Variants in RUNX1T1 observed in about 807,000 individuals in gnomAD.
RUNX1T1 encodes RUNX1 partner transcriptional co-repressor 1.
In RUNX1T1, 4 loss-of-function variants were observed where a neutral mutation model predicts 62.8. The ratio of observed to expected loss-of-function variants is 0.06; its 90% CI spans 0.03 to 0.15. The LOEUF (loss-of-function observed/expected upper bound fraction) is 0.15, where lower values mean the gene tolerates loss of function less well. RUNX1T1 is among the 10% of genes least tolerant of loss of function. The pLI is 1.00. For synonymous variants in RUNX1T1, 291 were observed against 286.0 expected (o/e 1.02, Z -0.18); for missense variants, 508 against 754.3 (o/e 0.67, Z 3.82).
chr8:91,986,155 C>G, exon 8 of RUNX1T1: 1 of 1,614,164 alleles, frequency 6.2e-7, no homozygotes, highest in Admixed American at 1.7e-5. Flanking sequence ...TGACGGGACT[C>G]TGCTGCCTAG....
At chr8:92,050,506 CAAT>C (rs769042793) in intron 1 of RUNX1T1, among the ~76,000 whole-genome samples, 1 of 152,140 alleles carries the variant, frequency 6.6e-6, no homozygotes, top group African/African-American at 2.4e-5. Context: ...TTAATTTTCA[CAAT>C]AATGCCATGG....
At chr8:91,960,840 T>C (rs2130427100) in intron 10 of RUNX1T1, among the ~76,000 whole-genome samples, 1 of 152,334 alleles carries the variant, frequency 6.6e-6, no homozygotes, top group South Asian at 2.1e-4. Flanking sequence ...TCATACTGAC[T>C]AGCAATTACT....
chr8:92,013,469 T>G (rs974495320), intron 3 of RUNX1T1, among the ~76,000 whole-genome samples: 1 of 152,198 alleles, frequency 6.6e-6, no homozygotes, highest in Non-Finnish European at 1.5e-5. Context: ...CTGAAACTTC[T>G]TTTGCAAAAC....
rs551919924 is a variant in RUNX1T1 at position 92,025,570 on chromosome 8, C to T, written c.8-8207G>A. Among the ~76,000 whole-genome samples, 3 of 152,342 alleles carry T rather than the reference C, an allele frequency of 2.0e-5. No individual in the cohort carries two copies. The East Asian group carries it at 5.8e-4, about 29-fold the overall frequency. The stretch of plus-strand genomic sequence containing the variant: ...TCAGCCAGAAACCTTTTGCTGACAA[C>T]CTTTCTATCCCCAGCTGGCCGGGTT... On this transcript the variant is annotated intron_variant, in intron 1 of 10. Transcript: ENST00000396218.
chr8:92,004,436 G>A (rs1274214119), intron 5 of RUNX1T1: 1 of 152,140 alleles, frequency 6.6e-6, no homozygotes, highest in African/African-American at 2.4e-5. Flanking sequence ...AATTTCATGT[G>A]TATGCTTTAT....
intron 1 of RUNX1T1, among the ~76,000 whole-genome samples, chr8:92,098,321 CT>C (rs1265979469): frequency 2.0e-5 from 3 of 152,144 alleles, no homozygotes; most frequent in Non-Finnish European, 4.4e-5. Context: ...ACTCATTTTG[CT>C]TTAATTTCTC....
chr8:92,057,216 A>G (rs140868645), intron 1 of RUNX1T1, among the ~76,000 whole-genome samples: 3 of 152,310 alleles, frequency 2.0e-5, no homozygotes, highest in Non-Finnish European at 4.4e-5. Flanking sequence ...CTATGCTACT[A>G]TAATTCAGAT....
intron 1 of RUNX1T1, among the ~76,000 whole-genome samples, chr8:92,026,008 A>T (rs998440717): frequency 1.3e-5 from 2 of 152,346 alleles, no homozygotes; most frequent in Non-Finnish European, 2.9e-5. Flanking sequence ...TTACAATAGT[A>T]GTGTCAGTGT....
At chr8:91,972,165 C>G (rs1812978245) in intron 9 of RUNX1T1, among the ~76,000 whole-genome samples, 1 of 152,022 alleles carries the variant, frequency 6.6e-6, no homozygotes, top group South Asian at 2.1e-4. Context: ...AAATGTTTTA[C>G]TGTAGATTAA....
At chr8:91,978,991 AG>A (rs2130740750) in intron 8 of RUNX1T1, among the ~76,000 whole-genome samples, 1 of 152,350 alleles carries the variant, frequency 6.6e-6, no homozygotes, top group African/African-American at 2.4e-5. Flanking sequence ...TCTAAAAGAC[AG>A]TTTTTCAAAA....
chr8:92,097,308 C>A (rs1200543340), intron 1 of RUNX1T1, among the ~76,000 whole-genome samples: 1 of 152,132 alleles, frequency 6.6e-6, no homozygotes, highest in Non-Finnish European at 1.5e-5. Flanking sequence ...ATCCAGTGAG[C>A]TTTAAATGGG....
chr8:91,965,414 T>G (rs1028701575), intron 10 of RUNX1T1, among the ~76,000 whole-genome samples: 4 of 152,180 alleles, frequency 2.6e-5, no homozygotes, highest in African/African-American at 9.7e-5. Flanking sequence ...TCCCTGTAGT[T>G]GACAGTGAGG....
chr8:92,065,490 G>C (rs1013940647), upstream of RUNX1T1, among the ~76,000 whole-genome samples: 1 of 152,146 alleles, frequency 6.6e-6, no homozygotes, highest in Admixed American at 6.5e-5. Context: ...ATTTTTTAGA[G>C]AGAGTCATCT....
intron 8 of RUNX1T1, 96 bp downstream of exon 9, chr8:91,986,028 C>A: frequency 2.3e-6 from 2 of 863,372 alleles, no homozygotes; most frequent in Admixed American, 1.9e-5. Context: ...TCTTAAAATT[C>A]CTTGCATATC....
intron 5 of RUNX1T1, among the ~76,000 whole-genome samples, chr8:91,996,950 C>G (rs542515947): frequency 6.7e-6 from 1 of 148,686 alleles, no homozygotes; most frequent in Non-Finnish European, 1.5e-5. Context: ...GGTGAAACCC[C>G]GTCTCTACTA....
intron 1 of RUNX1T1, among the ~76,000 whole-genome samples, chr8:92,026,236 T>C (rs1039595181): frequency 6.6e-6 from 1 of 152,184 alleles, no homozygotes; most frequent in Non-Finnish European, 1.5e-5. Flanking sequence ...AAAACCCTAT[T>C]AGGATAAATC....
At chr8:92,070,846 T>C (rs1013216085) in intron 2 of RUNX1T1, among the ~76,000 whole-genome samples, 1 of 152,194 alleles carries the variant, frequency 6.6e-6, no homozygotes, top group Non-Finnish European at 1.5e-5. Flanking sequence ...AGAATCCTAA[T>C]GAAGTAGTTG....
rs776408271 is a variant in RUNX1T1, at chr8:91,970,898, C to T, written c.1268-50G>A. ...GACAAGAAAACACCTCTCAGTTAGC[C>T]GAAGTCATTGGATACGGATTACTTT... On this transcript the variant is annotated intron_variant, in intron 9 of 10. Coordinates refer to ENST00000396218, the Ensembl canonical transcript of RUNX1T1. The T allele has an allele frequency of 6.9e-6, 10 of 1,446,528 alleles. No individual in the cohort carries two copies. In the South Asian group the frequency reaches 1.1e-4, roughly 16 times the overall value. 89.6% of individuals were successfully genotyped at this position (1,446,528 alleles called of 1,614,324 possible). A position where few individuals can be genotyped will look rare whatever the true frequency, so the allele number is the denominator to read the frequency against.
intron 5 of RUNX1T1, among the ~76,000 whole-genome samples, chr8:91,995,745 C>T (rs1005131517): frequency 2.0e-5 from 3 of 152,024 alleles, no homozygotes; most frequent in African/African-American, 7.3e-5. Context: ...CATGATCACA[C>T]CACTGCACTC....
Sources: allele counts gnomAD v4.1 joint callset (sites outside exome capture counted in the v4.1 genomes callset), GRCh38; gene constraint gnomAD v4.1.1; transcripts MANE v1.5; gene names NCBI Gene and HGNC (gene_info 2026-07-23, HGNC 2026-07-21).